NID2: variants seen among roughly 807,000 people sequenced by gnomAD.
NID2 encodes nidogen 2.
A neutral mutation model predicts 145.4 loss-of-function variants in NID2; 83 were observed. The ratio of observed to expected loss-of-function variants is 0.57; its 90% confidence interval spans 0.48 to 0.69. NID2 has a LOEUF of 0.69. NID2 is among the 30% of genes least tolerant of loss of function. The pLI is 0.00. For missense variants in NID2, 1,807 were observed against 1,765.7 expected (o/e 1.02, Z -0.42); for synonymous variants, 739 against 701.3 (o/e 1.05, Z -0.85).
At chr14:52,028,335 C>T (rs1891667458) in intron 11 of NID2, among the ~76,000 whole-genome samples, 1 of 151,578 alleles carries the variant, frequency 6.6e-6, no homozygotes, top group Admixed American at 6.6e-5. Context: ...AATGCACTAG[C>T]ATGCTGTCAG....
At chr14:52,017,518 T>TC (rs375106615) in intron 14 of NID2, among the ~76,000 whole-genome samples, 79 of 151,152 alleles carry the variant, frequency 5.2e-4, no homozygotes, top group East Asian at 2.0e-3. Flanking sequence ...GTCTCTTGGT[T>TC]CCCCCCCCTT....
chr14:52,037,746 C>T (rs1011015593), intron 9 of NID2, among the ~76,000 whole-genome samples: 8 of 152,220 alleles, frequency 5.3e-5, no homozygotes, highest in Non-Finnish European at 7.3e-5. Flanking sequence ...GAAGTATTCA[C>T]ATCTTAACAG....
intron 14 of NID2, 76 bp downstream of exon 14, chr14:52,018,985 G>T: frequency 1.8e-6 from 2 of 1,122,176 alleles, no homozygotes; most frequent in Non-Finnish European, 2.6e-6. Flanking sequence ...CCCCGTGCCT[G>T]CGTGGTCTGG....
intron 12 of NID2, among the ~76,000 whole-genome samples, chr14:52,025,230 TAG>T (rs1217762512): frequency 1.3e-5 from 2 of 152,258 alleles, no homozygotes; most frequent in Non-Finnish European, 2.9e-5. Context: ...TCCATACCTG[TAG>T]AGGGTATCTG....
rs1770183808 is a variant in NID2, at chr14:52,040,520, CATAAT to C, written c.2026+126_2026+130del. 6.1e-5 allele frequency: 46 copies of C among 753,172 alleles called. No individual in the cohort carries two copies. The South Asian group carries it at 7.7e-4, about 13-fold the overall frequency. The allele number at this position is 753,172 out of a possible 1,614,324, so 46.7% of individuals were successfully genotyped here. A position where few individuals can be genotyped will look rare whatever the true frequency, so the allele number is the denominator to read the frequency against. On this transcript the variant is annotated intron_variant, in intron 8 of 21. Coordinates refer to ENST00000216286, the MANE Select transcript of NID2 (RefSeq NM_007361.4). The stretch of plus-strand genomic sequence containing the variant: ...TTCATGGTAACAATAAGAGTAATAA[CATAAT>C]AGAGCTCATTTTATGTTCCATGCAC...
In NID2 at chr14:52,067,979, C is replaced by A; in HGVS notation, c.413G>T (p.Arg138Leu). Reference sequence around the variant, plus strand: ...GCGCGGGAAGCCAGCGCGCACATAGCGGGCGGCCAGGCCCAGCACTGCGGG... The same window carrying A: ...GCGCGGGAAGCCAGCGCGCACATAGAGGGCGGCCAGGCCCAGCACTGCGGG... ...TSPAVLGLAA[R>L]YVRAGFPRSA... The change falls in exon 2 of 22, where the codon CGC becomes CTC. Residue 138 changes from arginine (R) to leucine (L), a missense_variant. Transcript: ENST00000216286. The A allele has an allele frequency of 2.5e-6, 4 of 1,610,914 alleles. No individual in the cohort carries two copies. Among genetic ancestry groups the A allele is most frequent in the Non-Finnish European group, 3.4e-6 (4 of 1,178,654 alleles).
rs534959956 is a variant in NID2, at chr14:52,007,527, A to G, written c.3880+283T>C. The stretch of plus-strand genomic sequence containing the variant: ...AGAATAACTTCACTTAAGTTTGTCA[A>G]TTCAACAATGGCTAATTCTTTTAAC... On this transcript the variant is annotated intron_variant, in intron 19 of 21. Coordinates refer to ENST00000216286, the MANE Select transcript of NID2 (RefSeq NM_007361.4). 6.1e-5 allele frequency: 23 copies of G among 380,142 alleles called. No homozygotes were observed. In the South Asian group the frequency reaches 6.1e-4, roughly 10 times the overall value. The allele number at this position is 380,142 out of a possible 1,614,324, so 23.5% of individuals were successfully genotyped here.
At chr14:52,019,868 C>T (rs1891339428) in intron 13 of NID2, among the ~76,000 whole-genome samples, 191 bp downstream of exon 13, 1 of 152,162 alleles carries the variant, frequency 6.6e-6, no homozygotes, top group Admixed American at 6.5e-5. Flanking sequence ...TCCCGCAGGC[C>T]TCCAGAAATG....
At chr14:52,044,232 G>A (rs909461551) in intron 5 of NID2, among the ~76,000 whole-genome samples, 3 of 149,666 alleles carry the variant, frequency 2.0e-5, no homozygotes, top group Non-Finnish European at 3.0e-5. Context: ...CACTTCAATC[G>A]CGCTTAACAT....
intron 9 of NID2, among the ~76,000 whole-genome samples, chr14:52,030,560 G>A (rs1205842156): frequency 7.1e-4 from 38 of 53,194 alleles, no homozygotes; most frequent in African/African-American, 2.3e-3. Context: ...AAGAAAGAAA[G>A]AAAGAAAGGA....
At chr14:52,051,068 G>A (rs1892663127) in intron 5 of NID2, among the ~76,000 whole-genome samples, 1 of 152,196 alleles carries the variant, frequency 6.6e-6, no homozygotes, top group African/African-American at 2.4e-5. Flanking sequence ...ATCTACTGCT[G>A]TTCTGTGGCC....
intron 20 of NID2, 152 bp downstream of exon 20, chr14:52,006,385 T>A (rs992849225): frequency 1.3e-6 from 1 of 783,728 alleles, no homozygotes; most frequent in Non-Finnish European, 2.1e-6. Context: ...AAAACATCCT[T>A]GAAGGATCTT....
At chr14:52,025,018 A>G (rs534656590) in intron 12 of NID2, among the ~76,000 whole-genome samples, 2 of 152,334 alleles carry the variant, frequency 1.3e-5, no homozygotes, top group Admixed American at 1.3e-4. Context: ...TAAACCAGAG[A>G]GCTAAGGAAC....
At chr14:52,012,171 T>G (rs1342858746) in intron 16 of NID2, 1 of 154,006 alleles carries the variant, frequency 6.5e-6, no homozygotes, top group East Asian at 1.9e-4. Context: ...CCCAGAGCCT[T>G]AATAAAATTT....
chr14:52,016,427 G>C (rs898993604), intron 14 of NID2, among the ~76,000 whole-genome samples: 4 of 152,164 alleles, frequency 2.6e-5, no homozygotes, highest in Non-Finnish European at 5.9e-5. Flanking sequence ...CATCAAACCA[G>C]CTGCTCCCCT....
chr14:52,007,318 TC>T (rs1890823742), intron 19 of NID2: 1 of 156,266 alleles, frequency 6.4e-6, no homozygotes, highest in African/African-American at 2.4e-5. Flanking sequence ...TTTTTCATAT[TC>T]TTTAGTATAG....
chr14:52,038,822 G>C lies in NID2; in HGVS notation c.2182C>G (p.Arg728Gly). The stretch of plus-strand genomic sequence containing the variant: ...TCGTCATTATACAAGGCAAAGACCC[G>C]GTCCACGTTCAGCTGCTGGGTGGTG... ...FPTTQQLNVD[R>G]VFALYNDEER... The change falls in exon 9 of 22, where the codon CGG becomes GGG. Residue 728 changes from arginine (R) to glycine (G), a missense_variant. Coordinates refer to ENST00000216286, the MANE Select transcript of NID2 (RefSeq NM_007361.4). The C allele has an allele frequency of 6.2e-7, 1 of 1,613,722 alleles. No individual in the cohort carries two copies. The highest frequency in any genetic ancestry group is 8.5e-7 in the Non-Finnish European group (1 of 1,179,904).
chr14:52,026,366 A>C lies in NID2; in HGVS notation c.2674+835T>G, dbSNP rs75016814. Among the ~76,000 whole-genome samples the C allele has an allele frequency of 4.7e-3, 714 of 152,274 alleles. 6 individuals are homozygous for C. The highest frequency in any genetic ancestry group is 0.016 in the African/African-American group (665 of 41,544). ...AGGAGCAGGGGAAAGTCTGCCTTTT[A>C]AGGTTCATGTTCCCCAGCAGGCCCT... On this transcript the variant is annotated intron_variant, in intron 12 of 21. Transcript: ENST00000216286.
chr14:52,060,481 C>G (rs921493247), intron 2 of NID2, 125 bp from the exon 3 acceptor site: 33 of 483,280 alleles, frequency 6.8e-5, no homozygotes, highest in Non-Finnish European at 2.5e-5. Context: ...TCCCCTTTTT[C>G]AGGATTCCTC....
Sources: allele counts gnomAD v4.1 joint callset (sites outside exome capture counted in the v4.1 genomes callset), GRCh38; gene constraint gnomAD v4.1.1; transcripts MANE v1.5; gene names NCBI Gene and HGNC (gene_info 2026-07-23, HGNC 2026-07-21).